The following GLI3 variants were observed in gnomAD, a reference collection of about 807,000 sequenced individuals.
GLI3 encodes the protein GLI family zinc finger 3, also known as transcription activator GLI3.
In GLI3, 20 loss-of-function variants were observed where a neutral mutation model predicts 100.8. The ratio of observed to expected loss-of-function variants is 0.20; its 90% CI spans 0.14 to 0.29. GLI3 has a LOEUF of 0.29. Among genes scored for constraint, GLI3 ranks in the 10% least tolerant of loss-of-function variants. GLI3 has a pLI of 1.00. For missense variants in GLI3, 2,040 were observed against 2,128.5 expected, an observed-to-expected ratio of 0.96 and a Z score of 0.82; for synonymous variants, 938 against 860.5, an observed-to-expected ratio of 1.09 and a Z score of -1.58.
intron 6 of GLI3, among the ~76,000 whole-genome samples, chr7:42,043,777 A>G (rs1784189821): frequency 6.6e-6 from 1 of 152,208 alleles, no homozygotes; most frequent in African/African-American, 2.4e-5. Context: ...ACACATTCTC[A>G]TCAAATAGGG....
At chr7:42,143,492 C>T in intron 3 of GLI3, among the ~76,000 whole-genome samples, 1 of 152,172 alleles carries the variant, frequency 6.6e-6, no homozygotes, top group Non-Finnish European at 1.5e-5. Context: ...AATATACATC[C>T]TCTCTTCCAT....
chr7:42,065,462 TATA>T (rs1423795095), intron 4 of GLI3, among the ~76,000 whole-genome samples: 52 of 152,054 alleles, frequency 3.4e-4, no homozygotes, highest in Non-Finnish European at 6.6e-4. Flanking sequence ...ACATTGAGGG[TATA>T]ATGCATTAAA....
intron 10 of GLI3, among the ~76,000 whole-genome samples, chr7:42,018,561 C>T (rs1788837955): frequency 6.6e-6 from 1 of 152,182 alleles, no homozygotes; most frequent in African/African-American, 2.4e-5. Flanking sequence ...TCTACAGACA[C>T]ATCAATTCTT....
chr7:42,237,454 TGGA>T (rs1162101862), upstream of GLI3, among the ~76,000 whole-genome samples: 1 of 151,826 alleles, frequency 6.6e-6, no homozygotes. Flanking sequence ...CCGTGCTGGG[TGGA>T]GAAGCCCCCC....
chr7:42,005,492 C>CACAG (rs1469236441), intron 10 of GLI3, among the ~76,000 whole-genome samples: 5 of 151,868 alleles, frequency 3.3e-5, no homozygotes, highest in African/African-American at 1.2e-4. Context: ...CACACACACA[C>CACAG]ACACAGATTC....
rs188974812 is a variant in GLI3 at position 42,089,858 on chromosome 7, T to A, written c.368-13001A>T. Among the ~76,000 whole-genome samples the A allele has an allele frequency of 3.1e-3, 474 of 152,316 alleles. 2 individuals carry two copies. Among genetic ancestry groups the A allele is most frequent in the South Asian group, 7.0e-3 (34 of 4,826 alleles). On this transcript the variant is annotated intron_variant, in intron 3 of 14. Coordinates refer to ENST00000395925, the MANE Select transcript of GLI3 (RefSeq NM_000168.6). The stretch of plus-strand genomic sequence containing the variant: ...GTGGTTCATAAATTCTGAATAACAG[T>A]CATGCATCTCTTAACAATGGGATGC...
chr7:42,023,480 C>T lies in GLI3; in HGVS notation c.1485G>A (p.Glu495=), dbSNP rs149248727. The part of the protein sequence containing the change: ...EGCAREFDTQ[E]QLVHHINNDH... ...ACCATCCACTTACGTGCACAAGCTG[C>T]TCTTGGGTGTCGAACTCCCTCGCGC... Residue 495 remains glutamate (E), a synonymous_variant, in exon 10 of 15, where the codon GAG becomes GAA. Coordinates refer to ENST00000395925, the MANE Select transcript of GLI3 (RefSeq NM_000168.6). The T allele has an allele frequency of 1.3e-4, 213 of 1,614,202 alleles. 1 individual carries two copies. In the East Asian group the frequency reaches 4.0e-3, roughly 30 times the overall value.
chr7:42,088,784 C>T (rs1200428453), intron 3 of GLI3, among the ~76,000 whole-genome samples: 1 of 152,200 alleles, frequency 6.6e-6, no homozygotes. Context: ...GATGGGGACT[C>T]TCCTCTCTGG....
chr7:42,045,103 AT>A (rs984059204), intron 6 of GLI3, among the ~76,000 whole-genome samples: 2 of 151,936 alleles, frequency 1.3e-5, no homozygotes, highest in Non-Finnish European at 2.9e-5. Flanking sequence ...CTGGGCTGGG[AT>A]TTTTTTTAAC....
intron 2 of GLI3, among the ~76,000 whole-genome samples, chr7:42,209,986 GAAAAAAA>G (rs749477443): frequency 3.0e-5 from 1 of 33,272 alleles, no homozygotes; most frequent in South Asian, 2.3e-3. Context: ...TTAAGAATCT[GAAAAAAA>G]AAAAAAAAAA....
chr7:42,117,655 G>A (rs750003179), intron 3 of GLI3, among the ~76,000 whole-genome samples: 4 of 152,210 alleles, frequency 2.6e-5, no homozygotes, highest in Non-Finnish European at 4.4e-5. Flanking sequence ...TTAGATGCCT[G>A]CTTTTGCTGG....
intron 2 of GLI3, among the ~76,000 whole-genome samples, chr7:42,198,208 C>T (rs187990411): frequency 1.2e-4 from 18 of 152,302 alleles, no homozygotes; most frequent in Non-Finnish European, 2.2e-4. Context: ...ATGGTTCTTA[C>T]ATTCTGCACA....
At chr7:42,029,808 C>T (rs1562693481) in intron 7 of GLI3, among the ~76,000 whole-genome samples, 1 of 152,186 alleles carries the variant, frequency 6.6e-6, no homozygotes, top group Non-Finnish European at 1.5e-5. Flanking sequence ...CCTCCTTGCC[C>T]CATCGTTTTC....
chr7:42,045,959 G>A (rs117099835), intron 5 of GLI3, among the ~76,000 whole-genome samples: 1 of 152,160 alleles, frequency 6.6e-6, no homozygotes, highest in African/African-American at 2.4e-5. Flanking sequence ...TTTCTGACAA[G>A]AGTGTCTGAG....
intron 3 of GLI3, among the ~76,000 whole-genome samples, chr7:42,124,650 G>GT (rs1213758575): frequency 2.0e-5 from 3 of 152,226 alleles, no homozygotes; most frequent in Admixed American, 2.0e-4. Context: ...TGGTCTCAAA[G>GT]TTCCCGACTT....
At chr7:42,158,678 AC>A in intron 2 of GLI3, among the ~76,000 whole-genome samples, 1 of 151,984 alleles carries the variant, frequency 6.6e-6, no homozygotes, top group South Asian at 2.1e-4. Context: ...TTTAGTAGAG[AC>A]AGGATTTCAC....
intron 4 of GLI3, among the ~76,000 whole-genome samples, chr7:42,054,257 T>G (rs1360077848): frequency 1.3e-5 from 2 of 152,226 alleles, no homozygotes; most frequent in African/African-American, 4.8e-5. Context: ...ATAACTGGAC[T>G]TCTGAGTTAG....
rs1787032209 is a variant in GLI3, at chr7:41,962,304, G to C, written c.*2026C>G. On this transcript the variant is annotated 3_prime_UTR_variant, in exon 15 of 15. Transcript: ENST00000395925. ...CAAACCATTAGAGCACACAAGATAA[G>C]ACTGGAGATTTGGAGATTTGTGGAA... is the stretch of plus-strand genomic sequence containing the variant. 1 of 152,220 alleles carries C rather than the reference G, an allele frequency of 6.6e-6. No homozygotes were observed. The highest frequency in any genetic ancestry group is 2.4e-5 in the African/African-American group (1 of 41,462). The allele number at this position is 152,220 out of a possible 1,614,324, so 9.4% of individuals were successfully genotyped here.
At chr7:42,107,312 A>T (rs957140322) in intron 3 of GLI3, among the ~76,000 whole-genome samples, 19 of 152,196 alleles carry the variant, frequency 1.2e-4, no homozygotes, top group Non-Finnish European at 2.6e-4. Context: ...CCTGGGCGAC[A>T]GTGACCCTGT....
Sources: allele counts gnomAD v4.1 joint callset (sites outside exome capture counted in the v4.1 genomes callset), GRCh38; gene constraint gnomAD v4.1.1; transcripts MANE v1.5; gene names NCBI Gene and HGNC (gene_info 2026-07-23, HGNC 2026-07-21).